ZBTB10: variants seen among roughly 807,000 people sequenced by gnomAD.
The protein encoded by ZBTB10 is zinc finger and BTB domain containing 10.
A neutral mutation model predicts 76.4 loss-of-function variants in ZBTB10; 32 were observed. That is an observed-to-expected ratio of 0.42 (90% CI 0.32 to 0.56). ZBTB10 has a LOEUF of 0.56. Among genes scored for constraint, ZBTB10 ranks in the 20% least tolerant of loss-of-function variants. ZBTB10 has a pLI of 0.14. For missense variants in ZBTB10, 1,057 were observed against 1,098.5 expected (o/e 0.96, Z 0.53); for synonymous variants, 523 against 432.9 (o/e 1.21, Z -2.58).
Position 80,525,489 on chromosome 8 carries a change from TA to T in ZBTB10, c.*5964del, listed in dbSNP as rs925271328. On this transcript the variant is annotated 3_prime_UTR_variant, in exon 6 of 6. Coordinates refer to ENST00000455036, the MANE Select transcript of ZBTB10 (RefSeq NM_001105539.3). ...TATGTGTTAGAATCTTGGTGAAAGA[TA>T]AACACAAGACAGTCTTCTTGGCGCA... 1 of 152,136 alleles carries T rather than the reference TA, an allele frequency of 6.6e-6. No homozygotes were observed. The highest frequency in any genetic ancestry group is 2.4e-5 in the African/African-American group (1 of 41,446). The allele number at this position is 152,136 out of a possible 1,614,324, so 9.4% of individuals were successfully genotyped here.
intron 1 of ZBTB10, among the ~76,000 whole-genome samples, chr8:80,493,194 C>CGCGCGCGCGT (rs1815678388): frequency 1.1e-5 from 1 of 88,500 alleles, no homozygotes. Flanking sequence ...TGCCTCAAAA[C>CGCGCGCGCGT]GCGCGCGCGC....
At chr8:80,506,834 C>G (rs1816069457) in intron 2 of ZBTB10, among the ~76,000 whole-genome samples, 1 of 151,890 alleles carries the variant, frequency 6.6e-6, no homozygotes, top group Non-Finnish European at 1.5e-5. Context: ...TTAGGAGATT[C>G]CGAGTGTTTT....
At chr8:80,506,375 G>A (rs996595605) in intron 2 of ZBTB10, among the ~76,000 whole-genome samples, 3 of 151,792 alleles carry the variant, frequency 2.0e-5, no homozygotes, top group Admixed American at 1.3e-4. Context: ...GAGTGCAGTG[G>A]CGTGATCTTG....
intron 1 of ZBTB10, among the ~76,000 whole-genome samples, chr8:80,492,557 C>T (rs1815657985): frequency 6.6e-6 from 1 of 151,898 alleles, no homozygotes; most frequent in African/African-American, 2.4e-5. Flanking sequence ...GGGCTCACTG[C>T]AACCTCCGCC....
rs1815490129 is a variant in ZBTB10, at chr8:80,487,120, A to G, written c.310A>G (p.Thr104Ala). The G allele has an allele frequency of 2.0e-6, 3 of 1,513,364 alleles. No individual in the cohort carries two copies. In the East Asian group the frequency reaches 7.8e-5, roughly 39 times the overall value. The allele number at this position is 1,513,364 out of a possible 1,614,324, so 93.7% of individuals were successfully genotyped here. Residue 104 changes from threonine to alanine, a missense_variant, in exon 1 of 6, where the codon ACC (threonine) becomes GCC (alanine). Physicochemically the swap from Thr to Ala is moderately conservative, Grantham distance 58. Transcript: ENST00000455036. ...LLLPQDAGGP[T>A]SLGGGAGGPL... ...GCTCCCCCAAGACGCGGGCGGCCCCACCTCGCTTGGCGGTGGCGCGGGGGG... is the reference window on the plus strand; with the variant it reads ...GCTCCCCCAAGACGCGGGCGGCCCCGCCTCGCTTGGCGGTGGCGCGGGGGG...
chr8:80,491,764 T>C (rs1449951183), intron 1 of ZBTB10, among the ~76,000 whole-genome samples: 1 of 152,236 alleles, frequency 6.6e-6, no homozygotes, highest in Non-Finnish European at 1.5e-5. Context: ...TTAATAACAG[T>C]GATTACCAGT....
intron 1 of ZBTB10, among the ~76,000 whole-genome samples, chr8:80,496,458 T>C (rs1205965410): frequency 6.6e-6 from 1 of 151,924 alleles, no homozygotes; most frequent in Non-Finnish European, 1.5e-5. Flanking sequence ...GAAATTGCTG[T>C]TGTTGGTTAT....
In ZBTB10 at chr8:80,519,461, G is replaced by C. The variant is rs201181734; in HGVS notation, c.2549G>C (p.Gly850Ala). The C allele has an allele frequency of 1.1e-4, 176 of 1,612,376 alleles. No homozygotes were observed. The highest frequency in any genetic ancestry group is 1.7e-5 in the Admixed American group (1 of 59,754). Residue 850 changes from glycine (G) to alanine (A), a missense_variant, in exon 6 of 6, where the codon GGA (glycine) becomes GCA (alanine). By Grantham distance (60) the Gly-to-Ala change is moderately conservative. Coordinates refer to ENST00000455036, the MANE Select transcript of ZBTB10 (RefSeq NM_001105539.3). ...GEADEELVDDGEDQNDPSRWD... is the reference protein window; with the variant it reads ...GEADEELVDDAEDQNDPSRWD... ...GCTGATGAAGAGCTAGTTGATGATGGAGAAGATCAGAATGATCCCTCTCGA... is the reference window on the plus strand; with the variant it reads ...GCTGATGAAGAGCTAGTTGATGATGCAGAAGATCAGAATGATCCCTCTCGA...
At chr8:80,492,486 T>C (rs1453041609) in intron 1 of ZBTB10, among the ~76,000 whole-genome samples, 2 of 148,972 alleles carry the variant, frequency 1.3e-5, no homozygotes, top group South Asian at 2.1e-4. Context: ...ATTGAAGAAT[T>C]TTTTTTTTTT....
At chr8:80,491,863 G>A (rs576449040) in intron 1 of ZBTB10, among the ~76,000 whole-genome samples, 1 of 152,330 alleles carries the variant, frequency 6.6e-6, no homozygotes, top group East Asian at 1.9e-4. Flanking sequence ...GGAGAAACAT[G>A]CATCCAAATG....
chr8:80,514,672 T>C (rs1023641289), intron 3 of ZBTB10, among the ~76,000 whole-genome samples: 5 of 152,190 alleles, frequency 3.3e-5, no homozygotes, highest in Non-Finnish European at 7.4e-5. Context: ...TCTCAAATTA[T>C]TCCCATGGAT....
chr8:80,493,211 A>G (rs58260590), intron 1 of ZBTB10, among the ~76,000 whole-genome samples: 8,745 of 94,252 alleles, frequency 0.093, 297 homozygotes, highest in African/African-American at 0.14. Flanking sequence ...GCGCGCGCAC[A>G]CACACACACA....
rs371043620 is a variant in ZBTB10, at chr8:80,518,540, T to C, written c.2098T>C (p.Leu700=). 7.1e-6 allele frequency: 11 copies of C among 1,553,008 alleles called. No homozygotes were observed. In the African/African-American group the frequency reaches 1.5e-4, roughly 21 times the overall value. The part of the protein sequence containing the change: ...GASNDFKYGL[L]PESWPKQETW... ...TTCAAATGATTTCAAGTATGGATTA[T>C]TGCCAGAATCTTGGCCAAAACAAGA... The change falls in exon 4 of 6, where the codon TTG becomes CTG. Residue 700 remains leucine (L), a synonymous_variant. Transcript: ENST00000455036.
At chr8:80,518,285 C>T (rs1816380208) in intron 3 of ZBTB10, 118 bp from the exon 4 acceptor site, 6 of 980,184 alleles carry the variant, frequency 6.1e-6, no homozygotes, top group Non-Finnish European at 7.1e-6. Flanking sequence ...TTATTTAACT[C>T]ATACTATGAA....
Position 80,518,441 on chromosome 8 carries a change from C to T in ZBTB10, c.1999C>T (p.Pro667Ser), listed in dbSNP as rs1563467900. The part of the protein sequence containing the change: ...HDFKYGLMPG[P>S]SNDFKYGLIP... ...TTTCAAGTATGGTTTGATGCCTGGT[C>T]CTTCAAATGATTTCAAGTATGGATT... is the stretch of plus-strand genomic sequence containing the variant. Residue 667 changes from proline (P) to serine (S), a missense_variant, in exon 4 of 6, where the codon CCT becomes TCT. Pro to Ser is a moderately conservative substitution (Grantham distance 74, BLOSUM62 -1). Around this residue, in one of 5 missense-constraint regions of ZBTB10, gnomAD observed 306 missense variants for 297.5 expected, o/e 1.03. Coordinates refer to ENST00000455036, the MANE Select transcript of ZBTB10 (RefSeq NM_001105539.3). The T allele has an allele frequency of 6.4e-7, 1 of 1,552,332 alleles. No homozygotes were observed. The highest frequency in any genetic ancestry group is 2.0e-5 in the Admixed American group (1 of 51,112).
intron 1 of ZBTB10, 128 bp downstream of exon 1, chr8:80,487,910 G>T: frequency 1.8e-6 from 2 of 1,115,990 alleles, no homozygotes; most frequent in South Asian, 1.8e-5. Context: ...CATCGTTCCA[G>T]TTGAGAGGTG....
rs1816510519 is a variant in ZBTB10 at position 80,524,463 on chromosome 8, T to A, written c.*4935T>A. ...CCCATGTTGTATATTTGTGGACTGA[T>A]TGACTACAAGTGATGTGATGTTATA... On this transcript the variant is annotated 3_prime_UTR_variant, in exon 6 of 6. Transcript: ENST00000455036. The A allele has an allele frequency of 6.6e-6, 1 of 152,142 alleles. No homozygotes were observed. Among genetic ancestry groups the A allele is most frequent in the African/African-American group, 2.4e-5 (1 of 41,456 alleles). The allele number at this position is 152,142 out of a possible 1,614,324, so 9.4% of individuals were successfully genotyped here.
chr8:80,492,889 G>A (rs1371526084), intron 1 of ZBTB10, among the ~76,000 whole-genome samples: 1 of 152,018 alleles, frequency 6.6e-6, no homozygotes, highest in African/African-American at 2.4e-5. Context: ...AGGATGGGGA[G>A]GGCATTTAGG....
Position 80,492,484 on chromosome 8 carries a change from AT to A in ZBTB10, c.972+4715del, listed in dbSNP as rs111931707. Among the ~76,000 whole-genome samples, 162 of 146,666 alleles carry A rather than the reference AT, an allele frequency of 1.1e-3. 1 individual carries two copies. The highest frequency in any genetic ancestry group is 3.6e-3 in the Middle Eastern group (1 of 280). Reference sequence around the variant, plus strand: ...GTATATAATCAGGGTACATTGAAGAATTTTTTTTTTTTTGAGATGGGGTCTC... The same window carrying A: ...GTATATAATCAGGGTACATTGAAGAATTTTTTTTTTTTGAGATGGGGTCTC... On this transcript the variant is annotated intron_variant, in intron 1 of 5. Coordinates refer to ENST00000455036, the MANE Select transcript of ZBTB10 (RefSeq NM_001105539.3).
Sources: allele counts gnomAD v4.1 joint callset (sites outside exome capture counted in the v4.1 genomes callset), GRCh38; gene constraint gnomAD v4.1.1; regional missense constraint gnomAD v4.1.1; transcripts MANE v1.5; gene names NCBI Gene and HGNC (gene_info 2026-07-23, HGNC 2026-07-21).